Variants in EPSTI1 observed in about 807,000 individuals in gnomAD.
EPSTI1 encodes the protein epithelial-stromal interaction protein 1.
Under a neutral mutation model 49.9 loss-of-function variants are expected in EPSTI1, and 66 were observed. That is an observed-to-expected ratio of 1.32 (90% CI 1.08 to 1.62). The LOEUF (loss-of-function observed/expected upper bound fraction) is 1.62. EPSTI1 is among the 40% of genes most tolerant of loss of function. The pLI, the probability that EPSTI1 is intolerant of heterozygous loss-of-function variation, is 0.00. For synonymous variants in EPSTI1, 137 were observed against 130.7 expected (o/e 1.05, Z -0.33); for missense variants, 394 against 365.5 (o/e 1.08, Z -0.64).
chr13:42,901,340 A>G (rs1006555785), intron 8 of EPSTI1, among the ~76,000 whole-genome samples: 2 of 152,178 alleles, frequency 1.3e-5, no homozygotes, highest in African/African-American at 2.4e-5. Flanking sequence ...ACTTTGTTCA[A>G]AGACCCTCTA....
In EPSTI1 at chr13:42,986,296, G is replaced by T. The variant is rs547041306; in HGVS notation, c.188+5682C>A. Among the ~76,000 whole-genome samples, 19 of 152,294 alleles carry T rather than the reference G, an allele frequency of 1.2e-4. No homozygotes were observed. In the South Asian group the frequency reaches 3.9e-3, roughly 32 times the overall value. Reference sequence around the variant, plus strand: ...TAATAAAAAATAAATATTTAGCCACGGTCCCTGGTTCCTGGGACAGAGCTC... The same window carrying T: ...TAATAAAAAATAAATATTTAGCCACTGTCCCTGGTTCCTGGGACAGAGCTC... On this transcript the variant is annotated intron_variant, in intron 1 of 10. Transcript: ENST00000313624.
chr13:42,981,957 G>GT (rs2039994082), intron 1 of EPSTI1, among the ~76,000 whole-genome samples: 1 of 151,976 alleles, frequency 6.6e-6, no homozygotes, highest in South Asian at 2.1e-4. Flanking sequence ...AAAAATCACT[G>GT]TAAGTTACTA....
chr13:42,949,472 C>A (rs1204428224), intron 6 of EPSTI1, among the ~76,000 whole-genome samples: 5 of 152,038 alleles, frequency 3.3e-5, no homozygotes, highest in Middle Eastern at 3.4e-3. Flanking sequence ...ATGCCTATAG[C>A]CCCAGCTACT....
At position 42,922,053 on chromosome 13, in the gene EPSTI1, C is replaced by A. The variant is rs1016297652; in HGVS notation, c.657+4283G>T. Among the ~76,000 whole-genome samples, 2 of 152,060 alleles carry A rather than the reference C, an allele frequency of 1.3e-5. No homozygotes were observed. The highest frequency in any genetic ancestry group is 4.8e-5 in the African/African-American group (2 of 41,380). On this transcript the variant is annotated intron_variant, in intron 7 of 10. Coordinates refer to ENST00000313624, the MANE Select transcript of EPSTI1 (RefSeq NM_033255.5). This position sits in a 1 kb window ranked among gnomAD's most constrained non-coding sequence, Gnocchi z 4.8. Reference sequence around the variant, plus strand: ...GTACAGAAGATATAACCAGAGTATACCGACTGGCTTGGCAGTGAGAAAACG... The same window carrying A: ...GTACAGAAGATATAACCAGAGTATAACGACTGGCTTGGCAGTGAGAAAACG...
Position 42,887,838 on chromosome 13 carries a change from C to CTATT in EPSTI1, c.*652_*655dup, listed in dbSNP as rs2036907252. 1 of 154,460 alleles carries CTATT rather than the reference C, an allele frequency of 6.5e-6. No homozygotes were observed. The highest frequency in any genetic ancestry group is 2.4e-5 in the African/African-American group (1 of 41,446). 9.6% of individuals were successfully genotyped at this position (154,460 alleles called of 1,614,324 possible). ...TCCCCCTCTGAAAATCAGGGTAACA[C>CTATT]TATTAGTAAGTCAAGACCAAAACAA... On this transcript the variant is annotated 3_prime_UTR_variant, in exon 11 of 11. Transcript: ENST00000313624.
At chr13:42,961,011 C>T (rs1413010434) in intron 5 of EPSTI1, among the ~76,000 whole-genome samples, 3 of 152,160 alleles carry the variant, frequency 2.0e-5, no homozygotes, top group Non-Finnish European at 2.9e-5. Flanking sequence ...AGGGATAAAA[C>T]GTGGACATCT....
At position 42,887,695 on chromosome 13, in the gene EPSTI1, T is replaced by C. The variant is rs2036902671; in HGVS notation, c.*799A>G. The C allele has an allele frequency of 6.6e-6, 1 of 152,200 alleles. No individual in the cohort carries two copies. The highest frequency in any genetic ancestry group is 1.5e-5 in the Non-Finnish European group (1 of 68,058). The allele number at this position is 152,200 out of a possible 1,614,324, so 9.4% of individuals were successfully genotyped here. On this transcript the variant is annotated 3_prime_UTR_variant, in exon 11 of 11. Coordinates refer to ENST00000313624, the MANE Select transcript of EPSTI1 (RefSeq NM_033255.5). ...AGCCAACTGAACTAGCAATAGGAAATAGGTTACACAGAGCAAAGAAAAAAC... is the reference window on the plus strand; with the variant it reads ...AGCCAACTGAACTAGCAATAGGAAACAGGTTACACAGAGCAAAGAAAAAAC...
chr13:42,970,868 T>C (rs2039750359), intron 1 of EPSTI1, among the ~76,000 whole-genome samples, 198 bp from the exon 2 acceptor site: 1 of 152,212 alleles, frequency 6.6e-6, no homozygotes, highest in African/African-American at 2.4e-5. Context: ...ACAAAGGACA[T>C]GGCCAAATAT....
intron 3 of EPSTI1, among the ~76,000 whole-genome samples, chr13:42,968,390 C>A (rs769295683): frequency 1.3e-5 from 2 of 152,144 alleles, no homozygotes; most frequent in South Asian, 4.1e-4. Flanking sequence ...GCCCCTGACA[C>A]AAGACATGCT....
intron 9 of EPSTI1, among the ~76,000 whole-genome samples, chr13:42,897,057 G>C (rs1242617182): frequency 1.4e-5 from 2 of 147,800 alleles, no homozygotes; most frequent in Non-Finnish European, 3.0e-5. Context: ...TGGAGATGAT[G>C]TCACTGCACT....
intron 6 of EPSTI1, among the ~76,000 whole-genome samples, chr13:42,942,834 G>T (rs1450558067): frequency 6.6e-6 from 1 of 151,306 alleles, no homozygotes; most frequent in Non-Finnish European, 1.5e-5. Flanking sequence ...GACTACAGGC[G>T]CCCGCCACCG....
chr13:42,892,384 G>A (rs2037062307), intron 10 of EPSTI1, among the ~76,000 whole-genome samples: 1 of 152,202 alleles, frequency 6.6e-6, no homozygotes, highest in Non-Finnish European at 1.5e-5. Context: ...TGAGCACTGA[G>A]AGAGGCTGGA....
intron 5 of EPSTI1, among the ~76,000 whole-genome samples, chr13:42,954,886 G>A (rs907522416): frequency 1.3e-5 from 2 of 152,102 alleles, no homozygotes; most frequent in African/African-American, 4.8e-5. Flanking sequence ...GCCCAGAAGA[G>A]GACCAGTGAA....
In EPSTI1 at chr13:42,905,062, T is replaced by A. The variant is rs1383950339; in HGVS notation, c.742-4679A>T. Among the ~76,000 whole-genome samples, 6 of 152,212 alleles carry A rather than the reference T, an allele frequency of 3.9e-5. No homozygotes were observed. In the East Asian group the frequency reaches 1.2e-3, roughly 29 times the overall value. The stretch of plus-strand genomic sequence containing the variant: ...AGTGTGAGAGGCCATTTCTGTTTTC[T>A]TATGCTTTCCTTTATTTAAAAATCC... On this transcript the variant is annotated intron_variant, in intron 8 of 10. Coordinates refer to ENST00000313624, the MANE Select transcript of EPSTI1 (RefSeq NM_033255.5).
intron 10 of EPSTI1, among the ~76,000 whole-genome samples, chr13:42,893,301 G>A (rs2037092546): frequency 6.6e-6 from 1 of 152,122 alleles, no homozygotes; most frequent in Non-Finnish European, 1.5e-5. Context: ...AGAGAGGAGA[G>A]AGTATTATTA....
Position 42,969,183 on chromosome 13 carries a change from C to T in EPSTI1, c.248-6G>A, listed in dbSNP as rs201188179. 247 of 1,613,516 alleles carry T rather than the reference C, an allele frequency of 1.5e-4. 1 individual carries two copies. In the Middle Eastern group the frequency reaches 4.6e-3, roughly 30 times the overall value. ...GGCCAGCTCCTGCTCCGCAACTAAGCCAGGCGAGAAATATCAAATCGTCAA... is the reference window on the plus strand; with the variant it reads ...GGCCAGCTCCTGCTCCGCAACTAAGTCAGGCGAGAAATATCAAATCGTCAA... On this transcript the variant is annotated splice_region_variant and splice_polypyrimidine_tract_variant and intron_variant, in intron 2 of 10. Coordinates refer to ENST00000313624, the MANE Select transcript of EPSTI1 (RefSeq NM_033255.5).
At chr13:42,907,840 A>AT (rs764978607) in intron 8 of EPSTI1, among the ~76,000 whole-genome samples, 2 of 152,218 alleles carry the variant, frequency 1.3e-5, no homozygotes, top group Non-Finnish European at 2.9e-5. Flanking sequence ...AACATTAGCC[A>AT]TCTCTGCTTT....
At chr13:42,927,741 C>G (rs144584876) in intron 6 of EPSTI1, among the ~76,000 whole-genome samples, 2 of 152,278 alleles carry the variant, frequency 1.3e-5, no homozygotes, top group Middle Eastern at 3.4e-3. Flanking sequence ...GCAGTTGAGA[C>G]GAGCAGCCTT....
chr13:42,922,946 T>C lies in EPSTI1; in HGVS notation c.657+3390A>G, dbSNP rs2038058386. 6.6e-6 allele frequency among the ~76,000 whole-genome samples: 1 copy of C among 152,174 alleles called. No homozygotes were observed. Among genetic ancestry groups the C allele is most frequent in the Admixed American group, 6.5e-5 (1 of 15,278 alleles). ...GGCCTGAGATTGATCTGCATCTAAA[T>C]CTTTGCTCCTGATTTCAAAAGCTTT... On this transcript the variant is annotated intron_variant, in intron 7 of 10. Transcript: ENST00000313624. This position sits in a 1 kb window ranked among gnomAD's most constrained non-coding sequence, Gnocchi z 4.8.
Sources: gnomAD v4.1 joint callset for allele counts (sites outside exome capture counted in the v4.1 genomes callset) on GRCh38, gnomAD v4.1.1 for gene constraint, Gnocchi (gnomAD v3.1) non-coding constraint, MANE v1.5 for transcripts, NCBI Gene and HGNC (gene_info 2026-07-23, HGNC 2026-07-21) for gene names.